The following PCDHGA5 variants were observed in gnomAD, a reference collection of about 807,000 sequenced individuals.
The protein encoded by PCDHGA5 is protocadherin gamma-A5.
In PCDHGA5, 36 loss-of-function variants were observed where a neutral mutation model predicts 56.7. That is an observed-to-expected ratio of 0.64 (90% CI 0.49 to 0.84). The LOEUF is 0.84. Ranked by LOEUF, PCDHGA5 falls within the 40% of genes least tolerant of loss-of-function variation. The probability of loss-of-function intolerance (pLI) is 0.00; values close to 1 mark genes in which losing one functional copy is unlikely to be tolerated. For missense variants in PCDHGA5, 1,305 were observed against 1,201.5 expected (o/e 1.09, Z -1.27); for synonymous variants, 563 against 520.2 (o/e 1.08, Z -1.12).
In PCDHGA5 at chr5:141,431,932, C is replaced by A; in HGVS notation, c.2422-62875C>A. 1 of 1,614,172 alleles carries A rather than the reference C, an allele frequency of 6.2e-7. No homozygotes were observed. Among genetic ancestry groups the A allele is most frequent in the Non-Finnish European group, 8.5e-7 (1 of 1,180,002 alleles). The stretch of plus-strand genomic sequence containing the variant: ...TCTGTTTCATCCAAGGAAATCTGCC[C>A]TTTAAATTAGAAAAATCTTACGGAA... On this transcript the variant is annotated intron_variant, in intron 1 of 3. Transcript: ENST00000518069. The surrounding 1 kb of genome is among the most constrained non-coding windows in gnomAD (Gnocchi z 4.8).
chr5:141,502,039 G>T (rs2099812498), intron 2 of PCDHGA5, among the ~76,000 whole-genome samples: 1 of 152,126 alleles, frequency 6.6e-6, no homozygotes, highest in South Asian at 2.1e-4. Context: ...CCGCTTGCCT[G>T]CTCTCCCTAC....
intron 1 of PCDHGA5, chr5:141,419,278 A>G: frequency 6.2e-7 from 1 of 1,614,038 alleles, no homozygotes; most frequent in Non-Finnish European, 8.5e-7. Context: ...CCATAGCGCA[A>G]GTCAGTGCCT....
At chr5:141,387,300 T>C (rs1171181488) in intron 1 of PCDHGA5, among the ~76,000 whole-genome samples, 1 of 152,224 alleles carries the variant, frequency 6.6e-6, no homozygotes, top group Non-Finnish European at 1.5e-5. Context: ...ATGTATCCAG[T>C]ATATTTCTAA....
chr5:141,398,374 G>C (rs769693333), intron 1 of PCDHGA5: 3 of 1,438,680 alleles, frequency 2.1e-6, no homozygotes, highest in African/African-American at 1.4e-5. Flanking sequence ...AGAGAGCGGG[G>C]AGTTGCTTGT....
rs780576369 is a variant in PCDHGA5 at position 141,364,897 on chromosome 5, A to G, written c.567A>G (p.Gln189=). The G allele has an allele frequency of 6.2e-7, 1 of 1,613,970 alleles. No individual in the cohort carries two copies. Among genetic ancestry groups the G allele is most frequent in the Non-Finnish European group, 8.5e-7 (1 of 1,179,880 alleles). Residue 189 remains glutamine (Q), a synonymous_variant, in exon 1 of 4, where the codon CAA becomes CAG. Coordinates refer to ENST00000518069, the MANE Select transcript of PCDHGA5 (RefSeq NM_018918.3). ...ATGTGGTAAGCGGAACTGATGGACA[A>G]AAGTATCCGGAGCTGGTGTTGGAAC... The part of the protein sequence containing the change: ...SLDVVSGTDG[Q]KYPELVLEQP...
chr5:141,419,851 C>T, intron 1 of PCDHGA5: 1 of 1,614,062 alleles, frequency 6.2e-7, no homozygotes, highest in Non-Finnish European at 8.5e-7. Context: ...ACCTGGTGTT[C>T]GCAGATAGCT....
chr5:141,365,801 C>G lies in PCDHGA5; in HGVS notation c.1471C>G (p.Leu491Val). 6.2e-7 allele frequency: 1 copy of G among 1,613,966 alleles called. No homozygotes were observed. The highest frequency in any genetic ancestry group is 8.5e-7 in the Non-Finnish European group (1 of 1,179,892). Reference sequence around the variant, plus strand: ...CGACAACGCTCGAGTCACCTACTCCCTGGCTGAAGACACATTTCAGGGGGC... The same window carrying G: ...CGACAACGCTCGAGTCACCTACTCCGTGGCTGAAGACACATTTCAGGGGGC... ...SGDNARVTYS[L>V]AEDTFQGAPL... The change falls in exon 1 of 4, where the codon CTG becomes GTG. Residue 491 changes from leucine (L) to valine (V), a missense_variant. Coordinates refer to ENST00000518069, the MANE Select transcript of PCDHGA5 (RefSeq NM_018918.3).
chr5:141,485,214 G>T lies in PCDHGA5; in HGVS notation c.2422-9593G>T. 6.2e-7 allele frequency: 1 copy of T among 1,614,164 alleles called. No individual in the cohort carries two copies. The highest frequency in any genetic ancestry group is 8.5e-7 in the Non-Finnish European group (1 of 1,179,996). On this transcript the variant is annotated intron_variant, in intron 1 of 3. Transcript: ENST00000518069. This position sits in a 1 kb window ranked among gnomAD's most constrained non-coding sequence, Gnocchi z 5.7. ...AGAAGCTGGACAGAAATCTGGCGGT[G>T]GGCTACCCTTTTGTTCCTCTTTTAC...
chr5:141,401,000 C>T (rs113065470), intron 1 of PCDHGA5, among the ~76,000 whole-genome samples: 2 of 152,218 alleles, frequency 1.3e-5, no homozygotes, highest in Non-Finnish European at 2.9e-5. Flanking sequence ...CTTTCTTATT[C>T]CTACCTAATG....
intron 1 of PCDHGA5, chr5:141,429,167 T>TAC (rs1357037045): frequency 6.6e-5 from 9 of 136,102 alleles, no homozygotes; most frequent in African/African-American, 8.8e-5. Context: ...AGACATTGTT[T>TAC]ATACACACAC....
chr5:141,394,006 TAGGTA>T, intron 1 of PCDHGA5: 3 of 1,613,358 alleles, frequency 1.9e-6, no homozygotes, highest in Admixed American at 3.3e-5. Flanking sequence ...GAAAAGTCAA[TAGGTA>T]ATTATTATAG....
chr5:141,501,381 T>A (rs1261533671), intron 2 of PCDHGA5, among the ~76,000 whole-genome samples: 4 of 151,750 alleles, frequency 2.6e-5, no homozygotes, highest in African/African-American at 9.7e-5. Flanking sequence ...TCTTAAATCC[T>A]AGGTCCTGTC....
chr5:141,408,144 G>A (rs868032463), intron 1 of PCDHGA5: 1 of 1,496,186 alleles, frequency 6.7e-7, no homozygotes, highest in Non-Finnish European at 8.9e-7. Flanking sequence ...CTTTTAGCGC[G>A]GTAGAGTGCA....
At chr5:141,388,251 A>G in intron 1 of PCDHGA5, 1 of 1,610,692 alleles carries the variant, frequency 6.2e-7, no homozygotes, top group Non-Finnish European at 8.5e-7. Flanking sequence ...GAATGTGGAG[A>G]TCGAGGACAT....
chr5:141,399,745 G>A (rs1472441281), intron 1 of PCDHGA5: 2 of 1,613,194 alleles, frequency 1.2e-6, no homozygotes, highest in African/African-American at 2.7e-5. Flanking sequence ...TGCGCTCAGC[G>A]CAAACGTGAG....
At position 141,489,749 on chromosome 5, in the gene PCDHGA5, AC is replaced by A; in HGVS notation, c.2422-5057del. ...GTGGGCACCAATACTGTGAGCTTTT[AC>A]ACTCTAAGCCCCAACAGCCACTTCT... is the stretch of plus-strand genomic sequence containing the variant. On this transcript the variant is annotated intron_variant, in intron 1 of 3. Transcript: ENST00000518069. The surrounding 1 kb of genome is among the most constrained non-coding windows in gnomAD (Gnocchi z 4.5). 6.2e-7 allele frequency: 1 copy of A among 1,614,126 alleles called. No individual in the cohort carries two copies. Among genetic ancestry groups the A allele is most frequent in the Non-Finnish European group, 8.5e-7 (1 of 1,180,002 alleles).
Position 141,491,013 on chromosome 5 carries a change from G to C in PCDHGA5, c.2422-3794G>C. ...CTCCTCCTGGCTCCTTGGTCACCAA[G>C]GTGACAGCCGTGGATGCTGATGCAG... On this transcript the variant is annotated intron_variant, in intron 1 of 3. Transcript: ENST00000518069. The surrounding 1 kb of genome is among the most constrained non-coding windows in gnomAD (Gnocchi z 6.9). 6.2e-7 allele frequency: 1 copy of C among 1,614,144 alleles called. No homozygotes were observed. Among genetic ancestry groups the C allele is most frequent in the Non-Finnish European group, 8.5e-7 (1 of 1,180,040 alleles).
chr5:141,503,367 C>T (rs1038565489), intron 2 of PCDHGA5, among the ~76,000 whole-genome samples: 5 of 151,908 alleles, frequency 3.3e-5, no homozygotes, highest in African/African-American at 9.7e-5. Flanking sequence ...GAAGCGGAGG[C>T]AGGTGGATCA....
At chr5:141,396,955 C>T (rs1476582665) in intron 1 of PCDHGA5, among the ~76,000 whole-genome samples, 2 of 152,156 alleles carry the variant, frequency 1.3e-5, no homozygotes, top group Non-Finnish European at 2.9e-5. Context: ...AAAGAAAATC[C>T]TTACTCTCCC....
Sources: gnomAD v4.1 joint callset for allele counts (sites outside exome capture counted in the v4.1 genomes callset) on GRCh38, gnomAD v4.1.1 for gene constraint, Gnocchi (gnomAD v3.1) non-coding constraint, MANE v1.5 for transcripts, NCBI Gene and HGNC (gene_info 2026-07-23, HGNC 2026-07-21) for gene names.